ZNF362: variants seen among roughly 807,000 people sequenced by gnomAD.
ZNF362 encodes rotund homolog.
Under a neutral mutation model 42.9 loss-of-function variants are expected in ZNF362, and 11 were observed. That is an observed-to-expected ratio of 0.26 (90% CI 0.16 to 0.42). The LOEUF is 0.42. ZNF362 is among the 20% of genes least tolerant of loss of function. The pLI is 1.00. For synonymous variants in ZNF362, 255 were observed against 257.3 expected, an observed-to-expected ratio of 0.99 and a Z score of 0.09; for missense variants, 362 against 576.2, an observed-to-expected ratio of 0.63 and a Z score of 3.81.
chr1:33,171,926 C>T, the ZNF362 span, among the ~76,000 whole-genome samples: 8 of 152,208 alleles, frequency 5.3e-5, no homozygotes, highest in South Asian at 2.1e-4. Flanking sequence ...GGATTATAGG[C>T]GCCCGACACC....
At chr1:33,278,996 C>T (rs1043555892) in intron 4 of ZNF362, among the ~76,000 whole-genome samples, 6 of 152,014 alleles carry the variant, frequency 3.9e-5, no homozygotes, top group Non-Finnish European at 8.8e-5. Context: ...ATTGCTTGGC[C>T]AAAAGTTGTA....
chr1:33,276,703 G>A lies in ZNF362; in HGVS notation c.349+109G>A, dbSNP rs1226223077. 9 of 1,245,668 alleles carry A rather than the reference G, an allele frequency of 7.2e-6. No homozygotes were observed. In the East Asian group the frequency reaches 3.2e-4, roughly 45 times the overall value. The allele number at this position is 1,245,668 out of a possible 1,614,324, so 77.2% of individuals were successfully genotyped here. On this transcript the variant is annotated intron_variant, in intron 4 of 8. Transcript: ENST00000539719. ...GACCCGGCTAGGTAAGAGCAGGGCGGGCAGGGCCTAGGGGTAGGGCATAAA... is the reference window on the plus strand; with the variant it reads ...GACCCGGCTAGGTAAGAGCAGGGCGAGCAGGGCCTAGGGGTAGGGCATAAA...
At chr1:33,152,234 T>C in the ZNF362 span, among the ~76,000 whole-genome samples, 1 of 152,188 alleles carries the variant, frequency 6.6e-6, no homozygotes, top group Admixed American at 6.5e-5. Context: ...TTTCACATCA[T>C]GCTCTTCCCA....
upstream of ZNF362, among the ~76,000 whole-genome samples, chr1:33,251,694 A>T (rs1271741960): frequency 6.6e-6 from 1 of 150,838 alleles, no homozygotes; most frequent in African/African-American, 2.4e-5. Context: ...AATGTGTCAA[A>T]CTCCTCCCTG....
chr1:33,251,167 G>C, the ZNF362 span, among the ~76,000 whole-genome samples: 292 of 152,336 alleles, frequency 1.9e-3, 1 homozygote, highest in Admixed American at 3.7e-3. Context: ...ATGACACTGA[G>C]GGCTAGATGT....
the ZNF362 span, among the ~76,000 whole-genome samples, chr1:33,184,934 C>G: frequency 4.1e-4 from 62 of 152,186 alleles, no homozygotes; most frequent in Admixed American, 5.9e-4. Flanking sequence ...GCGCATACCA[C>G]CATGCCTGGC....
chr1:33,165,392 T>G, the ZNF362 span: 1 of 1,142,148 alleles, frequency 8.8e-7, no homozygotes, highest in Non-Finnish European at 1.2e-6. The surrounding 1 kb of genome is among the most constrained non-coding windows in gnomAD (Gnocchi z 4.0). Flanking sequence ...GCCCCGCCCC[T>G]CTTCCCCAGC....
the ZNF362 span, among the ~76,000 whole-genome samples, chr1:33,133,539 A>G: frequency 1.3e-5 from 2 of 152,156 alleles, no homozygotes; most frequent in Admixed American, 1.3e-4. Flanking sequence ...ACAGCTGATG[A>G]CCAGCAGAGT....
chr1:33,256,911 T>TGCGTGTGTGTGTGTGCGCGC (rs1424864031), intron 1 of ZNF362, among the ~76,000 whole-genome samples: 1 of 148,604 alleles, frequency 6.7e-6, no homozygotes, highest in Non-Finnish European at 1.5e-5. Flanking sequence ...CGAGTGTGTG[T>TGCGTGTGTGTGTGTGCGCGC]GCGTGTGTGT....
chr1:33,279,819 A>G (rs1645978132), intron 4 of ZNF362, among the ~76,000 whole-genome samples: 1 of 152,142 alleles, frequency 6.6e-6, no homozygotes, highest in Non-Finnish European at 1.5e-5. Flanking sequence ...TCCTTCCCTA[A>G]TGTTGCATAT....
the ZNF362 span, among the ~76,000 whole-genome samples, chr1:33,209,664 G>A: frequency 6.6e-6 from 1 of 152,142 alleles, no homozygotes; most frequent in Non-Finnish European, 1.5e-5. Flanking sequence ...GGGTGTATGT[G>A]TCCAGGAATT....
intron 8 of ZNF362, among the ~76,000 whole-genome samples, chr1:33,298,072 C>T (rs973357530): frequency 1.2e-4 from 18 of 152,096 alleles, no homozygotes; most frequent in Non-Finnish European, 1.2e-4. Context: ...GTGGGAGTAC[C>T]GCCTCTGCTT....
chr1:33,226,071 C>T, the ZNF362 span, among the ~76,000 whole-genome samples: 412 of 152,210 alleles, frequency 2.7e-3, 13 homozygotes, highest in East Asian at 0.064. Context: ...GGGTGTCAAG[C>T]CCCCAGGAGG....
chr1:33,257,663 T>A (rs144861114), intron 1 of ZNF362, among the ~76,000 whole-genome samples: 5 of 152,096 alleles, frequency 3.3e-5, no homozygotes, highest in Non-Finnish European at 4.4e-5. Flanking sequence ...AGGAGCTAGA[T>A]CCTCAGATCT....
At chr1:33,287,444 C>T (rs921440504) in intron 6 of ZNF362, among the ~76,000 whole-genome samples, 2 of 152,170 alleles carry the variant, frequency 1.3e-5, no homozygotes, top group African/African-American at 4.8e-5. Context: ...TGAGATCACG[C>T]CACTGCACTG....
At chr1:33,180,060 G>GC in the ZNF362 span, among the ~76,000 whole-genome samples, 119,569 of 151,354 alleles carry the variant, frequency 0.79, 47,361 homozygotes, top group African/African-American at 0.86. Context: ...TTTGAGCAAG[G>GC]CTCAATAAAA....
chr1:33,153,481 A>G, the ZNF362 span, among the ~76,000 whole-genome samples: 1 of 152,214 alleles, frequency 6.6e-6, no homozygotes, highest in Non-Finnish European at 1.5e-5. Flanking sequence ...TGGGGTGGCT[A>G]CTGGCTACTG....
At chr1:33,219,435 A>C in the ZNF362 span, among the ~76,000 whole-genome samples, 1 of 152,170 alleles carries the variant, frequency 6.6e-6, no homozygotes, top group Non-Finnish European at 1.5e-5. Context: ...AGAAAGATTC[A>C]CTGGGTAGTA....
upstream of ZNF362, among the ~76,000 whole-genome samples, chr1:33,256,055 C>G (rs1319346997): frequency 4.6e-5 from 7 of 151,650 alleles, no homozygotes; most frequent in Non-Finnish European, 1.0e-4. Context: ...GTCCTAGGGC[C>G]GGGCGCCGGT....
Sources: allele counts gnomAD v4.1 joint callset (sites outside exome capture counted in the v4.1 genomes callset), GRCh38; gene constraint gnomAD v4.1.1; non-coding constraint Gnocchi (gnomAD v3.1); transcripts MANE v1.5; gene names NCBI Gene and HGNC (gene_info 2026-07-23, HGNC 2026-07-21).